Variants in BMERB1 observed in about 807,000 individuals in gnomAD.
BMERB1 encodes the protein bMERB domain-containing protein 1.
In BMERB1, 12 loss-of-function variants were observed where a neutral mutation model predicts 23.6. The ratio of observed to expected loss-of-function variants is 0.51; its 90% CI spans 0.33 to 0.82. The LOEUF is 0.82. Ranked by LOEUF, BMERB1 falls within the 40% of genes least tolerant of loss-of-function variation. The pLI is 0.03. For missense variants in BMERB1, 247 were observed against 255.4 expected (o/e 0.97, Z 0.22); for synonymous variants, 122 against 96.6 (o/e 1.26, Z -1.54).
chr16:15,527,678 A>G (rs2051923222), intron 2 of BMERB1, among the ~76,000 whole-genome samples: 1 of 152,166 alleles, frequency 6.6e-6, no homozygotes, highest in African/African-American at 2.4e-5. Flanking sequence ...TCTAAGGGGA[A>G]AATGCTGAGA....
intron 1 of BMERB1, among the ~76,000 whole-genome samples, chr16:15,443,024 G>T (rs904992843): frequency 5.3e-5 from 8 of 152,116 alleles, no homozygotes; most frequent in Admixed American, 6.6e-5. Context: ...GAGGCTGGTG[G>T]ATCACTTAAC....
intron 2 of BMERB1, among the ~76,000 whole-genome samples, chr16:15,548,982 C>A (rs556394874): frequency 6.6e-6 from 1 of 152,142 alleles, no homozygotes; most frequent in East Asian, 1.9e-4. Flanking sequence ...GGGAGGCTTC[C>A]CCGGGGCCTG....
chr16:15,517,048 G>A (rs146748500), intron 2 of BMERB1, among the ~76,000 whole-genome samples: 47 of 152,276 alleles, frequency 3.1e-4, no homozygotes, highest in African/African-American at 7.2e-4. Context: ...GTGCAAGACC[G>A]TGAGCTAAAT....
At chr16:15,450,604 G>A (rs769074769) in intron 1 of BMERB1, among the ~76,000 whole-genome samples, 5 of 152,094 alleles carry the variant, frequency 3.3e-5, no homozygotes, top group East Asian at 1.9e-4. Context: ...CCGAGTAGCC[G>A]GGATTACAGG....
chr16:15,477,078 G>A (rs887918067), intron 1 of BMERB1, among the ~76,000 whole-genome samples: 2 of 152,044 alleles, frequency 1.3e-5, no homozygotes, highest in Non-Finnish European at 2.9e-5. Context: ...CTAGGCAACT[G>A]TATTAGTCTG....
chr16:15,475,635 T>C (rs1331606216), intron 1 of BMERB1, among the ~76,000 whole-genome samples: 9 of 152,184 alleles, frequency 5.9e-5, no homozygotes, highest in Admixed American at 5.9e-4. Context: ...ACTCAAGCCT[T>C]GGTGTCACTG....
chr16:15,511,265 T>G lies in BMERB1; in HGVS notation c.107-4040T>G, dbSNP rs569514790. On this transcript the variant is annotated intron_variant, in intron 1 of 5. Coordinates refer to ENST00000300006, the MANE Select transcript of BMERB1 (RefSeq NM_033201.3). Reference sequence around the variant, plus strand: ...ACAGCCTGAGGTGGCTCCTCTGACCTCTCTCCTTCCTGCTTCTCTTTGACA... The same window carrying G: ...ACAGCCTGAGGTGGCTCCTCTGACCGCTCTCCTTCCTGCTTCTCTTTGACA... Among the ~76,000 whole-genome samples the G allele has an allele frequency of 3.7e-4, 57 of 152,062 alleles. 1 individual carries two copies. Among genetic ancestry groups the G allele is most frequent in the Admixed American group, 3.6e-3 (55 of 15,262 alleles).
chr16:15,567,693 G>A (rs972829591), intron 2 of BMERB1, among the ~76,000 whole-genome samples: 2 of 152,074 alleles, frequency 1.3e-5, no homozygotes, highest in Non-Finnish European at 2.9e-5. Flanking sequence ...AACCCGGAAG[G>A]TGGAGGTTGC....
intron 3 of BMERB1, among the ~76,000 whole-genome samples, chr16:15,570,459 A>G (rs577331839): frequency 1.9e-4 from 29 of 152,220 alleles, no homozygotes; most frequent in African/African-American, 6.7e-4. Flanking sequence ...TGTTGGGGGT[A>G]CGGGGCTCTG....
At chr16:15,450,972 A>G (rs890388598) in intron 1 of BMERB1, among the ~76,000 whole-genome samples, 1 of 152,172 alleles carries the variant, frequency 6.6e-6, no homozygotes. Context: ...CACAAGAGAC[A>G]GGATTATTGC....
At chr16:15,491,969 C>T (rs1169746377) in intron 1 of BMERB1, among the ~76,000 whole-genome samples, 2 of 152,162 alleles carry the variant, frequency 1.3e-5, no homozygotes, top group African/African-American at 4.8e-5. Flanking sequence ...TGTTTCATTT[C>T]TGCATGCCTA....
intron 1 of BMERB1, among the ~76,000 whole-genome samples, chr16:15,496,163 A>G (rs1318940810): frequency 1.3e-5 from 2 of 149,208 alleles, no homozygotes; most frequent in Admixed American, 6.6e-5. Context: ...GTGATGTGCT[A>G]GTGATGGTGA....
intron 1 of BMERB1, among the ~76,000 whole-genome samples, chr16:15,439,074 G>A (rs2150920020): frequency 6.6e-6 from 1 of 152,226 alleles, no homozygotes. Context: ...AAGAGGGGAG[G>A]GAGACTGCAG....
intron 1 of BMERB1, among the ~76,000 whole-genome samples, chr16:15,482,799 GTAGT>G (rs1421790064): frequency 1.3e-5 from 2 of 152,148 alleles, no homozygotes; most frequent in Admixed American, 1.3e-4. Context: ...AATAATTGTT[GTAGT>G]TAGTTATTTT....
At chr16:15,453,764 C>T (rs1315172044) in intron 1 of BMERB1, among the ~76,000 whole-genome samples, 1 of 152,118 alleles carries the variant, frequency 6.6e-6, no homozygotes, top group South Asian at 2.1e-4. Flanking sequence ...CACCCAGCTA[C>T]ACGAGAGGCT....
intron 3 of BMERB1, among the ~76,000 whole-genome samples, chr16:15,574,355 A>G (rs1045669063): frequency 3.9e-5 from 6 of 152,132 alleles, no homozygotes; most frequent in African/African-American, 1.4e-4. Context: ...TGGCGACACA[A>G]AGCCTAACCG....
Position 15,586,905 on chromosome 16 carries a change from C to A in BMERB1, c.*76C>A. ...CTTTATAGCCCCCATTTCACCGGGG[C>A]CCAAGAGCTCTCCAAGGCAGAAGGG... is the stretch of plus-strand genomic sequence containing the variant. On this transcript the variant is annotated 3_prime_UTR_variant, in exon 6 of 6. Transcript: ENST00000300006. 1.0e-6 allele frequency: 1 copy of A among 978,762 alleles called. No individual in the cohort carries two copies. Among genetic ancestry groups the A allele is most frequent in the Non-Finnish European group, 1.5e-6 (1 of 660,170 alleles). The allele number at this position is 978,762 out of a possible 1,614,324, so 60.6% of individuals were successfully genotyped here. A position where few individuals can be genotyped will look rare whatever the true frequency, so the allele number is the denominator to read the frequency against.
At chr16:15,443,254 C>CAA (rs34699173) in intron 1 of BMERB1, among the ~76,000 whole-genome samples, 8 of 148,798 alleles carry the variant, frequency 5.4e-5, no homozygotes, top group Admixed American at 6.7e-5. Context: ...GACCCTGTCT[C>CAA]AAAAAAAAAC....
chr16:15,503,893 C>G (rs201365912), intron 1 of BMERB1, among the ~76,000 whole-genome samples: 1 of 152,232 alleles, frequency 6.6e-6, no homozygotes, highest in East Asian at 1.9e-4. Context: ...GCTAGAAGCT[C>G]AGGTCCACAA....
Sources: allele counts gnomAD v4.1 joint callset (sites outside exome capture counted in the v4.1 genomes callset), GRCh38; gene constraint gnomAD v4.1.1; transcripts MANE v1.5; gene names NCBI Gene and HGNC (gene_info 2026-07-23, HGNC 2026-07-21).